SOHLH1: variants seen among roughly 807,000 people sequenced by gnomAD.
The protein encoded by SOHLH1 is spermatogenesis and oogenesis specific basic helix-loop-helix 1.
Under a neutral mutation model 36.2 loss-of-function variants are expected in SOHLH1, and 23 were observed. That is an observed-to-expected ratio of 0.64 (90% CI 0.46 to 0.90). SOHLH1 has a LOEUF of 0.90. SOHLH1 is among the 40% of genes least tolerant of loss of function. SOHLH1 has a pLI of 0.00. For missense variants in SOHLH1, 608 were observed against 517.0 expected (o/e 1.18, Z -1.71); for synonymous variants, 289 against 228.3 (o/e 1.27, Z -2.40).
upstream of SOHLH1, among the ~76,000 whole-genome samples, chr9:135,700,388 CCCTT>C (rs928987639): frequency 8.6e-5 from 13 of 152,034 alleles, no homozygotes; most frequent in Non-Finnish European, 7.4e-5. Flanking sequence ...GAGGTGGAGA[CCCTT>C]CCTCTTTCAC....
At chr9:135,702,049 C>T, upstream of SOHLH1, 1 of 504,718 alleles carries the variant, frequency 2.0e-6, no homozygotes, top group Non-Finnish European at 3.5e-6. Flanking sequence ...CCCCGCACCC[C>T]CGTCCCAGCC....
At chr9:135,699,638 C>T (rs887503335), upstream of SOHLH1, 1 of 713,730 alleles carries the variant, frequency 1.4e-6, no homozygotes, top group Non-Finnish European at 2.4e-6. Flanking sequence ...CGCAGCCAGC[C>T]CGGGGCCCAC....
At chr9:135,695,324 G>A (rs1194616004) in intron 5 of SOHLH1, 61 bp from the exon 6 acceptor site, 2 of 1,504,802 alleles carry the variant, frequency 1.3e-6, no homozygotes, top group South Asian at 1.2e-5. Flanking sequence ...CTGCCCCCGA[G>A]GACCTCGTGA....
chr9:135,698,540 C>T, intron 2 of SOHLH1, 64 bp from the exon 3 acceptor site: 1 of 1,607,872 alleles, frequency 6.2e-7, no homozygotes, highest in East Asian at 2.2e-5. Context: ...GGGACAGCAA[C>T]TGCTAGAACC....
intron 6 of SOHLH1, among the ~76,000 whole-genome samples, chr9:135,694,661 C>T (rs1284279090): frequency 6.6e-6 from 1 of 152,128 alleles, no homozygotes; most frequent in African/African-American, 2.4e-5. Flanking sequence ...TCGCGGGTCC[C>T]GATCCGTCCT....
chr9:135,695,422 G>A (rs569647904), intron 5 of SOHLH1, among the ~76,000 whole-genome samples, 159 bp from the exon 6 acceptor site: 2 of 152,294 alleles, frequency 1.3e-5, no homozygotes, highest in South Asian at 4.1e-4. Context: ...AAGCTCAGAA[G>A]CGGGTGGCAC....
Position 135,697,689 on chromosome 9 carries a change from C to CGGTG in SOHLH1, c.346-66_346-63dup, listed in dbSNP as rs1324774895. On this transcript the variant is annotated intron_variant, in intron 3 of 7. Coordinates refer to ENST00000425225, the MANE Select transcript of SOHLH1 (RefSeq NM_001101677.2). ...ACAGTCAGCTGAGAAACCCAAGACA[C>CGGTG]GGTGACAAGACTGCTACCCCAGGGC... The CGGTG allele has an allele frequency of 2.5e-6, 4 of 1,571,442 alleles. No individual in the cohort carries two copies. In the African/African-American group the frequency reaches 5.4e-5, roughly 21 times the overall value.
At position 135,696,779 on chromosome 9, in the gene SOHLH1, T is replaced by C. The variant is rs779567353; in HGVS notation, c.494A>G (p.Glu165Gly). 1.9e-6 allele frequency: 3 copies of C among 1,613,058 alleles called. No individual in the cohort carries two copies. The South Asian group carries it at 3.3e-5, about 18-fold the overall frequency. The change falls in exon 5 of 8, where the codon GAA (glutamate) becomes GGA (glycine). Residue 165 changes from glutamate (E) to glycine (G), a missense_variant. Physicochemically the swap from Glu to Gly is moderately conservative, Grantham distance 98 (BLOSUM62 -2). Transcript: ENST00000425225. ...TRTPDVKAFLESPWSLDPASA... is the reference protein window; with the variant it reads ...TRTPDVKAFLGSPWSLDPASA... ...CGCTGGATCCAGGGACCAAGGACTT[T>C]CCAGAAACGCCTTCACATCTGGGGT...
rs1161980185 is a variant in SOHLH1 at position 135,694,376 on chromosome 9, G to A, written c.946+11C>T. ...CGGGGGGACCAGCCCTGAACCCAGG[G>A]CCCCACTCACCCGGCCACGAGCTGG... On this transcript the variant is annotated intron_variant, in intron 7 of 7. Transcript: ENST00000425225. The A allele has an allele frequency of 8.7e-6, 14 of 1,612,368 alleles. No individual in the cohort carries two copies. The highest frequency in any genetic ancestry group is 1.3e-5 in the African/African-American group (1 of 74,900).
At chr9:135,700,174 G>A (rs1355965055), upstream of SOHLH1, among the ~76,000 whole-genome samples, 2 of 151,976 alleles carry the variant, frequency 1.3e-5, no homozygotes, top group South Asian at 2.1e-4. Flanking sequence ...CACCATCCCC[G>A]CTTTATGCCC....
At chr9:135,698,498 A>G (rs150437203) in intron 2 of SOHLH1, 22 bp from the exon 3 acceptor site, 4 of 1,612,834 alleles carry the variant, frequency 2.5e-6, no homozygotes, top group African/African-American at 1.3e-5. Context: ...CAAGAAACAA[A>G]TACCTCTGGG....
intron 7 of SOHLH1, 59 bp downstream of exon 7, chr9:135,694,328 C>T: frequency 6.2e-7 from 1 of 1,611,200 alleles, no homozygotes; most frequent in Non-Finnish European, 8.5e-7. Flanking sequence ...TCCCAATTCC[C>T]CAGCTCATAT....
chr9:135,698,491 G>A lies in SOHLH1; in HGVS notation c.198-15C>T, dbSNP rs201395107. On this transcript the variant is annotated splice_polypyrimidine_tract_variant and intron_variant, in intron 2 of 7. Transcript: ENST00000425225. The stretch of plus-strand genomic sequence containing the variant: ...ACATCCGCTTCCTGGTTCCGGTCAA[G>A]AAACAAATACCTCTGGGCCCTCCTG... 132 of 1,612,938 alleles carry A rather than the reference G, an allele frequency of 8.2e-5. No individual in the cohort carries two copies. Among genetic ancestry groups the A allele is most frequent in the Middle Eastern group, 3.3e-4 (2 of 6,084 alleles).
At position 135,696,887 on chromosome 9, in the gene SOHLH1, G is replaced by A. The variant is rs989167951; in HGVS notation, c.468-82C>T. On this transcript the variant is annotated intron_variant, in intron 4 of 7. Coordinates refer to ENST00000425225, the MANE Select transcript of SOHLH1 (RefSeq NM_001101677.2). ...TGCCCCCACCCACCCCAAGAGCAGA[G>A]GGCTGGACCCATCCCCAGGACACCC... is the stretch of plus-strand genomic sequence containing the variant. 27 of 1,473,118 alleles carry A rather than the reference G, an allele frequency of 1.8e-5. No homozygotes were observed. The African/African-American group carries it at 2.8e-4, about 15-fold the overall frequency. 91.3% of individuals were successfully genotyped at this position (1,473,118 alleles called of 1,614,324 possible). A position where few individuals can be genotyped will look rare whatever the true frequency, so the allele number is the denominator to read the frequency against.
intron 7 of SOHLH1, 113 bp from the exon 8 acceptor site, chr9:135,693,927 T>C (rs1384401705): frequency 2.1e-6 from 3 of 1,457,322 alleles, no homozygotes; most frequent in Admixed American, 2.4e-5. Flanking sequence ...CCCTGCCCTG[T>C]CCCCGCTGCA....
chr9:135,701,982 G>C (rs988708517), upstream of SOHLH1, among the ~76,000 whole-genome samples: 1 of 152,012 alleles, frequency 6.6e-6, no homozygotes, highest in African/African-American at 2.4e-5. Flanking sequence ...ACCCCGTCCT[G>C]TTTTTCGGAG....
At chr9:135,699,499 A>C (rs1235076555), upstream of SOHLH1, 4 of 1,604,674 alleles carry the variant, frequency 2.5e-6, no homozygotes, top group African/African-American at 2.7e-5. Context: ...CCCCACGCGC[A>C]CGGCCCCTTC....
At chr9:135,698,718 G>A (rs568331703) in intron 2 of SOHLH1, among the ~76,000 whole-genome samples, 14 of 152,292 alleles carry the variant, frequency 9.2e-5, no homozygotes, top group Non-Finnish European at 1.8e-4. Context: ...GCTGCTTTGC[G>A]GTGTGGAAAA....
intron 2 of SOHLH1, among the ~76,000 whole-genome samples, chr9:135,698,735 G>A (rs1386791257): frequency 3.3e-5 from 5 of 152,204 alleles, no homozygotes; most frequent in Admixed American, 6.5e-5. Flanking sequence ...AAAAGACAGC[G>A]AGGGTCAGAG....
Sources: gnomAD v4.1 joint callset for allele counts (sites outside exome capture counted in the v4.1 genomes callset) on GRCh38, gnomAD v4.1.1 for gene constraint, MANE v1.5 for transcripts, NCBI Gene and HGNC (gene_info 2026-07-23, HGNC 2026-07-21) for gene names.